Variants in PEPD observed in about 807,000 individuals in gnomAD.
The protein encoded by PEPD is xaa-Pro dipeptidase.
In PEPD, 53 loss-of-function variants were observed where a neutral mutation model predicts 60.7. The ratio of observed to expected loss-of-function variants is 0.87; its 90% CI spans 0.70 to 1.10. The LOEUF is 1.10. Ranked by LOEUF, PEPD falls within the 50% of genes least tolerant of loss-of-function variation. PEPD has a pLI of 0.00. For missense variants in PEPD, 711 were observed against 711.9 expected, an observed-to-expected ratio of 1.00 and a Z score of 0.01; for synonymous variants, 267 against 284.1, an observed-to-expected ratio of 0.94 and a Z score of 0.60.
Position 33,439,938 on chromosome 19 carries a change from G to A in PEPD, c.671+23057C>T, listed in dbSNP as rs951827161. ...TTCCTGTGTTGCCCAGGCTGGGCTC[G>A]AACCCCCGGCCTCAAGTGATCTCCC... On this transcript the variant is annotated intron_variant, in intron 9 of 14. Coordinates refer to ENST00000244137, the MANE Select transcript of PEPD (RefSeq NM_000285.4). Among the ~76,000 whole-genome samples the A allele has an allele frequency of 3.9e-5, 6 of 152,264 alleles. No homozygotes were observed. The East Asian group carries it at 1.2e-3, about 29-fold the overall frequency.
Position 33,512,621 on chromosome 19 carries a change from C to T in PEPD, c.173G>A (p.Cys58Tyr), listed in dbSNP as rs564126763. The change falls in exon 2 of 15, where the codon TGC (cysteine) becomes TAC (tyrosine). Residue 58 changes from cysteine to tyrosine, a missense_variant. Physicochemically the swap from Cys to Tyr is radical, Grantham distance 194. Transcript: ENST00000244137. ...GCGGAAGAGGACCCCGGTGTCGGTGCAGTAGCGCTGAGTCTCCTCCCCGCC... is the reference window on the plus strand; with the variant it reads ...GCGGAAGAGGACCCCGGTGTCGGTGTAGTAGCGCTGAGTCTCCTCCCCGCC... ...LQGGEETQRY[C>Y]TDTGVLFRQE... 1 of 1,613,916 alleles carries T rather than the reference C, an allele frequency of 6.2e-7. No individual in the cohort carries two copies. The highest frequency in any genetic ancestry group is 1.7e-5 in the Admixed American group (1 of 60,028).
chr19:33,462,899 G>A (rs1969953070), intron 9 of PEPD, 96 bp downstream of exon 9: 3 of 805,050 alleles, frequency 3.7e-6, no homozygotes, highest in South Asian at 2.7e-5. Flanking sequence ...CTCACGGTGT[G>A]TGTGCCACTG....
chr19:33,431,867 C>T (rs1424286246), intron 9 of PEPD, among the ~76,000 whole-genome samples: 1 of 151,884 alleles, frequency 6.6e-6, no homozygotes, highest in Non-Finnish European at 1.5e-5. Flanking sequence ...GTGGCAAATG[C>T]CTGTAATTCC....
intron 7 of PEPD, among the ~76,000 whole-genome samples, chr19:33,475,277 G>A (rs1028072931): frequency 4.0e-5 from 6 of 151,774 alleles, no homozygotes; most frequent in African/African-American, 1.5e-4. Flanking sequence ...AGACCTAAGG[G>A]CAAAAGATGA....
At chr19:33,516,475 A>G (rs1224728640) in intron 1 of PEPD, among the ~76,000 whole-genome samples, 1 of 151,978 alleles carries the variant, frequency 6.6e-6, no homozygotes, top group East Asian at 1.9e-4. Context: ...TGCCCTGGAA[A>G]CAACCAAGAC....
chr19:33,502,953 G>GGC, intron 3 of PEPD, among the ~76,000 whole-genome samples: 1 of 59,496 alleles, frequency 1.7e-5, no homozygotes, highest in African/African-American at 6.0e-5. Flanking sequence ...ACTGGGGGGC[G>GGC]GGGGGGGGTG....
At chr19:33,481,203 A>C (rs1438583635) in intron 6 of PEPD, among the ~76,000 whole-genome samples, 2 of 152,206 alleles carry the variant, frequency 1.3e-5, no homozygotes, top group African/African-American at 2.4e-5. Flanking sequence ...TAAATAACAT[A>C]CAGTAACAAA....
intron 3 of PEPD, among the ~76,000 whole-genome samples, chr19:33,506,217 ACTAC>A (rs1970804509): frequency 1.4e-5 from 2 of 138,204 alleles, no homozygotes; most frequent in African/African-American, 5.5e-5. Context: ...CACCCTACAC[ACTAC>A]ACACACACCC....
intron 11 of PEPD, among the ~76,000 whole-genome samples, chr19:33,402,332 C>T (rs1968516127): frequency 6.6e-6 from 1 of 152,204 alleles, no homozygotes; most frequent in African/African-American, 2.4e-5. Flanking sequence ...CAGGCTGAGG[C>T]CGTGCTTGTG....
Position 33,391,282 on chromosome 19 carries a change from T to C in PEPD, c.1152+13A>G, listed in dbSNP as rs1330360355. 3 of 1,606,834 alleles carry C rather than the reference T, an allele frequency of 1.9e-6. No homozygotes were observed. The highest frequency in any genetic ancestry group is 1.1e-5 in the South Asian group (1 of 90,284). On this transcript the variant is annotated intron_variant, in intron 13 of 14. Coordinates refer to ENST00000244137, the MANE Select transcript of PEPD (RefSeq NM_000285.4). ...GATGGGCAGGCCACTCCGCCTGCCATGTCCACACTGACCTCTGGGTAGCCT... is the reference window on the plus strand; with the variant it reads ...GATGGGCAGGCCACTCCGCCTGCCACGTCCACACTGACCTCTGGGTAGCCT...
At chr19:33,403,137 G>A (rs3786898) in intron 11 of PEPD, among the ~76,000 whole-genome samples, 66,151 of 152,060 alleles carry the variant, frequency 0.44, 14,995 homozygotes, top group African/African-American at 0.55. Context: ...CTGAGGGGGC[G>A]GAGGGGCGCA....
intron 7 of PEPD, among the ~76,000 whole-genome samples, chr19:33,469,360 C>T (rs1156938257): frequency 6.6e-6 from 1 of 152,224 alleles, no homozygotes; most frequent in Non-Finnish European, 1.5e-5. Context: ...GAGGCCCCAG[C>T]TCTGCCGTGA....
intron 1 of PEPD, among the ~76,000 whole-genome samples, chr19:33,518,189 CT>C (rs1971059748): frequency 6.6e-6 from 1 of 152,166 alleles, no homozygotes; most frequent in Non-Finnish European, 1.5e-5. Flanking sequence ...CAACCTCCAC[CT>C]TGCACCTCTG....
At position 33,413,127 on chromosome 19, in the gene PEPD, G is replaced by A. The variant is rs534136384; in HGVS notation, c.740+448C>T. Among the ~76,000 whole-genome samples, 408 of 152,250 alleles carry A rather than the reference G, an allele frequency of 2.7e-3. 1 individual carries two copies. Among genetic ancestry groups the A allele is most frequent in the African/African-American group, 9.5e-3 (393 of 41,536 alleles). On this transcript the variant is annotated intron_variant, in intron 10 of 14. Coordinates refer to ENST00000244137, the MANE Select transcript of PEPD (RefSeq NM_000285.4). ...CACATACAGCAGCACTGGTCCCCAC[G>A]CAGCCACACCCACATAGACACACCA...
At chr19:33,418,449 C>T (rs886777930) in intron 9 of PEPD, among the ~76,000 whole-genome samples, 18 of 152,208 alleles carry the variant, frequency 1.2e-4, no homozygotes, top group African/African-American at 4.1e-4. Flanking sequence ...ACCAGTGGAG[C>T]CCTGGCATAG....
intron 9 of PEPD, among the ~76,000 whole-genome samples, chr19:33,436,398 G>A (rs556155179): frequency 1.3e-5 from 2 of 152,126 alleles, no homozygotes; most frequent in African/African-American, 2.4e-5. Flanking sequence ...CCCAATGGCC[G>A]AGTACAGGGG....
intron 11 of PEPD, among the ~76,000 whole-genome samples, chr19:33,406,473 A>ATGTCTTT (rs1320863892): frequency 6.6e-6 from 1 of 152,236 alleles, no homozygotes; most frequent in East Asian, 1.9e-4. Flanking sequence ...CCCCAAGAGC[A>ATGTCTTT]TGTCTTTAAG....
intron 9 of PEPD, among the ~76,000 whole-genome samples, chr19:33,443,400 G>A (rs1969522813): frequency 6.6e-6 from 1 of 152,144 alleles, no homozygotes; most frequent in South Asian, 2.1e-4. Flanking sequence ...ATACATGACT[G>A]AACAAGTTAA....
chr19:33,500,822 C>G (rs1057189384), intron 4 of PEPD, 116 bp downstream of exon 4: 10 of 769,460 alleles, frequency 1.3e-5, no homozygotes, highest in Admixed American at 1.2e-4. Flanking sequence ...GACTGGTGGC[C>G]AGGTGGTAGT....
Sources: allele counts gnomAD v4.1 joint callset (sites outside exome capture counted in the v4.1 genomes callset), GRCh38; gene constraint gnomAD v4.1.1; transcripts MANE v1.5; gene names NCBI Gene and HGNC (gene_info 2026-07-23, HGNC 2026-07-21).